POFUT3: variants seen among roughly 807,000 people sequenced by gnomAD.
POFUT3 encodes protein O-fucosyltransferase 3.
At chr8:33,312,618 C>T in the POFUT3 span, among the ~76,000 whole-genome samples, 7 of 152,242 alleles carry the variant, frequency 4.6e-5, no homozygotes, top group Admixed American at 1.3e-4. Context: ...TAAGGAAGCT[C>T]ATAATAGTCT....
chr8:33,355,279 A>G, the POFUT3 span, among the ~76,000 whole-genome samples: 41 of 152,364 alleles, frequency 2.7e-4, no homozygotes, highest in African/African-American at 9.4e-4. Context: ...ATAAGTGCTG[A>G]CAGAGGCTCC....
the POFUT3 span, among the ~76,000 whole-genome samples, chr8:33,450,895 G>A: frequency 6.6e-6 from 1 of 152,196 alleles, no homozygotes; most frequent in Non-Finnish European, 1.5e-5. Flanking sequence ...TGTTTTGTAG[G>A]CTTCCTGGCA....
the POFUT3 span, chr8:33,453,024 C>T: frequency 2.4e-4 from 134 of 569,730 alleles, no homozygotes; most frequent in African/African-American, 2.3e-3. Context: ...GAAGCCACCA[C>T]GCCCGGCCAG....
At chr8:33,389,789 AAGTC>A in the POFUT3 span, 2 of 1,610,282 alleles carry the variant, frequency 1.2e-6, no homozygotes, top group Non-Finnish European at 1.7e-6. Context: ...ATCTATGTTA[AAGTC>A]AGTACCTAGG....
chr8:33,383,034 G>A, the POFUT3 span, among the ~76,000 whole-genome samples: 61 of 152,260 alleles, frequency 4.0e-4, no homozygotes, highest in African/African-American at 1.4e-3. Flanking sequence ...GGAGAAAGCA[G>A]GGCCCATGGA....
At chr8:33,364,591 A>G in the POFUT3 span, among the ~76,000 whole-genome samples, 1 of 152,208 alleles carries the variant, frequency 6.6e-6, no homozygotes, top group Non-Finnish European at 1.5e-5. Context: ...ATACAAAATC[A>G]ATGTGCAAAA....
chr8:33,364,098 A>G, the POFUT3 span, among the ~76,000 whole-genome samples: 4 of 152,194 alleles, frequency 2.6e-5, no homozygotes, highest in Admixed American at 6.5e-5. Flanking sequence ...CATCCCTGGG[A>G]TGCTAGGCTG....
the POFUT3 span, among the ~76,000 whole-genome samples, chr8:33,416,938 C>G: frequency 6.6e-6 from 1 of 151,720 alleles, no homozygotes; most frequent in African/African-American, 2.4e-5. Flanking sequence ...ACTTGGGAAA[C>G]AGTTAGAACA....
At chr8:33,472,315 G>C in the POFUT3 span, among the ~76,000 whole-genome samples, 1 of 152,182 alleles carries the variant, frequency 6.6e-6, no homozygotes, top group Non-Finnish European at 1.5e-5. Flanking sequence ...GGGCCGTGGT[G>C]TTAGAAAAAG....
the POFUT3 span, among the ~76,000 whole-genome samples, chr8:33,392,944 G>A: frequency 2.6e-5 from 4 of 151,996 alleles, no homozygotes; most frequent in Non-Finnish European, 4.4e-5. Context: ...TTGCACCACT[G>A]CATTCCCTCC....
the POFUT3 span, among the ~76,000 whole-genome samples, chr8:33,360,188 TAA>T: frequency 6.6e-6 from 1 of 152,214 alleles, no homozygotes; most frequent in East Asian, 1.9e-4. Context: ...CTCACACCTG[TAA>T]TCCCACCACT....
the POFUT3 span, among the ~76,000 whole-genome samples, chr8:33,392,335 G>T: frequency 6.6e-6 from 1 of 151,850 alleles, no homozygotes; most frequent in African/African-American, 2.4e-5. Context: ...CAGCACTTTG[G>T]GAGGCCGAGG....
At chr8:33,322,414 A>C in the POFUT3 span, among the ~76,000 whole-genome samples, 1 of 152,058 alleles carries the variant, frequency 6.6e-6, no homozygotes, top group Non-Finnish European at 1.5e-5. Context: ...AAGGGCCCTG[A>C]GCTTGGCTTG....
chr8:33,401,959 A>G, the POFUT3 span, among the ~76,000 whole-genome samples: 1 of 152,068 alleles, frequency 6.6e-6, no homozygotes, highest in Non-Finnish European at 1.5e-5. Context: ...CCCAAGAGGC[A>G]GAGGTTCAGT....
chr8:33,311,910 G>T, the POFUT3 span, among the ~76,000 whole-genome samples: 1 of 152,016 alleles, frequency 6.6e-6, no homozygotes, highest in Non-Finnish European at 1.5e-5. Flanking sequence ...AATATAATCA[G>T]GTAAAGATGA....
the POFUT3 span, among the ~76,000 whole-genome samples, chr8:33,418,701 T>G: frequency 1.3e-5 from 2 of 152,118 alleles, no homozygotes; most frequent in African/African-American, 4.8e-5. Flanking sequence ...AGAGCTACCA[T>G]GTGATCCAGC....
the POFUT3 span, among the ~76,000 whole-genome samples, chr8:33,321,137 C>T: frequency 2.6e-5 from 4 of 152,092 alleles, no homozygotes; most frequent in African/African-American, 9.7e-5. Flanking sequence ...TCCAGAATCT[C>T]ATCATCTAAA....
the POFUT3 span, among the ~76,000 whole-genome samples, chr8:33,334,901 C>A: frequency 6.6e-6 from 1 of 152,192 alleles, no homozygotes; most frequent in African/African-American, 2.4e-5. Flanking sequence ...CTGGCTATGA[C>A]CCTACACCAC....
the POFUT3 span, among the ~76,000 whole-genome samples, chr8:33,313,578 A>C: frequency 5.5e-4 from 83 of 151,942 alleles, no homozygotes; most frequent in South Asian, 0.011. Context: ...AAATGGAACC[A>C]TCATCAGCAC....
Sources: allele counts gnomAD v4.1 joint callset (sites outside exome capture counted in the v4.1 genomes callset), GRCh38; gene constraint gnomAD v4.1.1; transcripts MANE v1.5; gene names NCBI Gene and HGNC (gene_info 2026-07-23, HGNC 2026-07-21).